Variants in LDLRAD3 observed in about 807,000 individuals in gnomAD.
LDLRAD3 encodes low density lipoprotein receptor class A domain containing 3.
Under a neutral mutation model 29.4 loss-of-function variants are expected in LDLRAD3, and 20 were observed. The observed-to-expected ratio is 0.68, with a 90% CI of 0.48 to 0.99. LDLRAD3 has a LOEUF of 0.99. LDLRAD3 is among the 50% of genes least tolerant of loss of function. The pLI, the probability that LDLRAD3 is intolerant of heterozygous loss-of-function variation, is 0.00. For synonymous variants in LDLRAD3, 157 were observed against 192.7 expected (o/e 0.81, Z 1.53); for missense variants, 420 against 454.3 (o/e 0.92, Z 0.69).
chr11:36,075,275 C>A (rs1490874717), intron 2 of LDLRAD3, among the ~76,000 whole-genome samples: 1 of 96,574 alleles, frequency 1.0e-5, no homozygotes, highest in Non-Finnish European at 2.4e-5. Flanking sequence ...AAAGCTTGAG[C>A]CTGGTTTCCT....
At chr11:36,150,649 G>A (rs578096454) in intron 4 of LDLRAD3, among the ~76,000 whole-genome samples, 2 of 152,308 alleles carry the variant, frequency 1.3e-5, no homozygotes, top group South Asian at 2.1e-4. Flanking sequence ...CAGCTACTTG[G>A]GAGGCTGAGG....
chr11:36,109,463 G>A (rs527667750), intron 4 of LDLRAD3, among the ~76,000 whole-genome samples: 4 of 152,254 alleles, frequency 2.6e-5, no homozygotes, highest in African/African-American at 4.8e-5. Context: ...AGCAAGCTGC[G>A]TTATCACCAT....
chr11:36,091,299 CTT>C (rs973058602), intron 3 of LDLRAD3, among the ~76,000 whole-genome samples: 2 of 152,194 alleles, frequency 1.3e-5, no homozygotes, highest in African/African-American at 4.8e-5. Flanking sequence ...ACTTCACAGA[CTT>C]TAAATGAATT....
intron 1 of LDLRAD3, among the ~76,000 whole-genome samples, chr11:35,974,036 T>C (rs1851447958): frequency 6.6e-6 from 1 of 152,244 alleles, no homozygotes; most frequent in African/African-American, 2.4e-5. Context: ...ATTGAGTAAT[T>C]AATCTTTTTC....
At chr11:36,153,174 G>A (rs1854300764) in intron 4 of LDLRAD3, among the ~76,000 whole-genome samples, 1 of 151,958 alleles carries the variant, frequency 6.6e-6, no homozygotes, top group Non-Finnish European at 1.5e-5. Context: ...AGCATAGTCG[G>A]GGTGCTTGAC....
intron 2 of LDLRAD3, among the ~76,000 whole-genome samples, chr11:36,045,280 T>C (rs1852433370): frequency 6.6e-6 from 1 of 152,232 alleles, no homozygotes; most frequent in Non-Finnish European, 1.5e-5. Context: ...GGTAGATTTT[T>C]GAAGATGTTG....
chr11:36,087,967 G>T (rs1180547309), intron 3 of LDLRAD3, among the ~76,000 whole-genome samples: 1 of 151,776 alleles, frequency 6.6e-6, no homozygotes, highest in Non-Finnish European at 1.5e-5. Context: ...AATCCACCCT[G>T]CTTGGCCTCC....
At chr11:36,062,934 G>A (rs952682006) in intron 2 of LDLRAD3, among the ~76,000 whole-genome samples, 1 of 152,276 alleles carries the variant, frequency 6.6e-6, no homozygotes, top group East Asian at 1.9e-4. Flanking sequence ...GCTTTGTATA[G>A]CAGGGAAGAA....
rs574121431 is a variant in LDLRAD3, at chr11:36,053,636, C to T, written c.193+17387C>T. Among the ~76,000 whole-genome samples, 8 of 152,340 alleles carry T rather than the reference C, an allele frequency of 5.3e-5. No individual in the cohort carries two copies. The South Asian group carries it at 1.7e-3, about 32-fold the overall frequency. On this transcript the variant is annotated intron_variant, in intron 2 of 5. Transcript: ENST00000315571. The stretch of plus-strand genomic sequence containing the variant: ...GCAGCAACACTACTGTTCTAACAAT[C>T]AGAAGTGACTGGTGCACATCTGCTT...
chr11:35,997,787 A>G (rs558456825), intron 1 of LDLRAD3: 1 of 160,074 alleles, frequency 6.2e-6, no homozygotes, highest in Non-Finnish European at 1.4e-5. Flanking sequence ...TCTTATTCCT[A>G]TTTTACAGAT....
chr11:35,993,661 CAAAAAAAA>C lies in LDLRAD3; in HGVS notation c.47-42432_47-42425del, dbSNP rs59468652. On this transcript the variant is annotated intron_variant, in intron 1 of 5. Transcript: ENST00000315571. ...GACTGCGCAGTCCTGGCCAGAGATA[CAAAAAAAA>C]AAAAAAAAAGAATTTTTACTGGAGT... Among the ~76,000 whole-genome samples, 18 of 61,724 alleles carry C rather than the reference CAAAAAAAA, an allele frequency of 2.9e-4. No homozygotes were observed. In the East Asian group the frequency reaches 8.0e-3, roughly 27 times the overall value. 40.5% of individuals were successfully genotyped at this position (61,724 alleles called of 152,430 possible). A position where few individuals can be genotyped will look rare whatever the true frequency, so the allele number is the denominator to read the frequency against.
intron 4 of LDLRAD3, among the ~76,000 whole-genome samples, chr11:36,157,042 G>A (rs1252487394): frequency 1.3e-5 from 2 of 152,178 alleles, no homozygotes; most frequent in Non-Finnish European, 2.9e-5. Flanking sequence ...ACAGCGTAAG[G>A]GCTGTAATTT....
intron 1 of LDLRAD3, among the ~76,000 whole-genome samples, chr11:36,017,729 T>G (rs1278287384): frequency 6.6e-6 from 1 of 152,118 alleles, no homozygotes; most frequent in African/African-American, 2.4e-5. Context: ...TTCACCATGT[T>G]GGCCAGGCTG....
intron 4 of LDLRAD3, among the ~76,000 whole-genome samples, chr11:36,203,983 C>T (rs1417905454): frequency 6.7e-6 from 1 of 149,166 alleles, no homozygotes; most frequent in East Asian, 2.0e-4. Context: ...GGCACTTTTC[C>T]AATTCTCATT....
rs554688764 is a variant in LDLRAD3 at position 35,982,743 on chromosome 11, A to G, written c.46+38599A>G. On this transcript the variant is annotated intron_variant, in intron 1 of 5. Transcript: ENST00000315571. ...CTTGAAGACAGCTCAGCTCTCTCTA[A>G]GGTGGCCTTTTCTTCTGAATTCATT... 1.8e-3 allele frequency among the ~76,000 whole-genome samples: 271 copies of G among 151,868 alleles called. 1 individual carries two copies. The Middle Eastern group carries it at 0.024, about 13-fold the overall frequency.
intron 4 of LDLRAD3, among the ~76,000 whole-genome samples, chr11:36,130,068 T>G (rs553563216): frequency 6.6e-6 from 1 of 152,190 alleles, no homozygotes; most frequent in African/African-American, 2.4e-5. Context: ...TGGATAGTAA[T>G]AGTAATGGCT....
intron 1 of LDLRAD3, among the ~76,000 whole-genome samples, chr11:36,025,470 G>A (rs995369846): frequency 6.7e-6 from 1 of 148,808 alleles, no homozygotes; most frequent in African/African-American, 2.5e-5. Flanking sequence ...CTCACTGCAA[G>A]CACCGCCTCC....
chr11:36,146,964 A>C (rs1480494123), intron 4 of LDLRAD3, among the ~76,000 whole-genome samples: 1 of 151,078 alleles, frequency 6.6e-6, no homozygotes, highest in African/African-American at 2.4e-5. Flanking sequence ...TAATTTTTGT[A>C]TTTTTAGTAG....
At chr11:36,078,641 A>G (rs1316619378) in intron 2 of LDLRAD3, among the ~76,000 whole-genome samples, 1 of 152,096 alleles carries the variant, frequency 6.6e-6, no homozygotes, top group East Asian at 1.9e-4. Flanking sequence ...TGCAGCTGCA[A>G]TTTGGGTGGC....
Sources: gnomAD v4.1 joint callset for allele counts (sites outside exome capture counted in the v4.1 genomes callset) on GRCh38, gnomAD v4.1.1 for gene constraint, MANE v1.5 for transcripts, NCBI Gene and HGNC (gene_info 2026-07-23, HGNC 2026-07-21) for gene names.